Variants in CTNNA3 observed in about 807,000 individuals in gnomAD.
CTNNA3 encodes catenin alpha 3, also known as catenin alpha-3.
CTNNA3 carries 76 observed loss-of-function variants against 95.7 expected under a neutral mutation model. The ratio of observed to expected loss-of-function variants is 0.79; its 90% CI spans 0.66 to 0.96. The LOEUF (loss-of-function observed/expected upper bound fraction) is 0.96. CTNNA3 is among the 40% of genes least tolerant of loss of function. CTNNA3 has a pLI of 0.00. For synonymous variants in CTNNA3, 431 were observed against 374.4 expected, an observed-to-expected ratio of 1.15 and a Z score of -1.74; for missense variants, 1,191 against 1,089.8, an observed-to-expected ratio of 1.09 and a Z score of -1.31.
chr10:66,651,257 G>T (rs1219507256), intron 9 of CTNNA3, among the ~76,000 whole-genome samples: 1 of 152,158 alleles, frequency 6.6e-6, no homozygotes, highest in Non-Finnish European at 1.5e-5. Context: ...GTCCCCACCA[G>T]ATTAGCTAGA....
chr10:67,760,080 C>T (rs1841454569), intron 1 of CTNNA3, among the ~76,000 whole-genome samples: 1 of 152,194 alleles, frequency 6.6e-6, no homozygotes, highest in Admixed American at 6.5e-5. Context: ...AAGTCACATG[C>T]CCATTCCTTG....
chr10:67,510,213 T>A (rs1454663798), intron 5 of CTNNA3, among the ~76,000 whole-genome samples: 1 of 152,240 alleles, frequency 6.6e-6, no homozygotes, highest in Non-Finnish European at 1.5e-5. Flanking sequence ...TTGTCTATCT[T>A]GGCTTTTGTT....
chr10:67,725,826 T>A (rs1841207340), intron 1 of CTNNA3, among the ~76,000 whole-genome samples: 1 of 150,112 alleles, frequency 6.7e-6, no homozygotes, highest in Non-Finnish European at 1.5e-5. Flanking sequence ...AAATCTTGAT[T>A]TTTTTAAGTC....
intron 7 of CTNNA3, among the ~76,000 whole-genome samples, chr10:66,900,472 G>A (rs1845693978): frequency 6.6e-6 from 1 of 152,182 alleles, no homozygotes; most frequent in African/African-American, 2.4e-5. Context: ...TTCTCCCCCA[G>A]AGGATCACAG....
intron 3 of CTNNA3, among the ~76,000 whole-genome samples, chr10:67,589,907 A>G (rs1382859791): frequency 1.3e-5 from 2 of 152,078 alleles, no homozygotes; most frequent in African/African-American, 4.8e-5. Context: ...TTCCCCAACA[A>G]CAAAACTAAA....
chr10:66,638,424 C>T (rs1318541113), intron 9 of CTNNA3, among the ~76,000 whole-genome samples: 2 of 152,088 alleles, frequency 1.3e-5, no homozygotes, highest in East Asian at 3.9e-4. Context: ...AATATCCTCC[C>T]GCCGCCGCCC....
intron 11 of CTNNA3, among the ~76,000 whole-genome samples, chr10:66,420,842 A>AAATAAAT (rs1564945941): frequency 1.6e-3 from 173 of 108,020 alleles, no homozygotes; most frequent in African/African-American, 6.8e-3. Context: ...AATAAATAAA[A>AAATAAAT]AACAATATGG....
chr10:66,865,405 G>A (rs568419327), intron 7 of CTNNA3, among the ~76,000 whole-genome samples: 2 of 152,094 alleles, frequency 1.3e-5, no homozygotes, highest in East Asian at 3.9e-4. Context: ...TAAATAATCA[G>A]AGAATCAGTC....
At chr10:66,178,440 T>TATATATATACACATATATATATATATAC (rs1231414006) in intron 13 of CTNNA3, among the ~76,000 whole-genome samples, 3 of 105,766 alleles carry the variant, frequency 2.8e-5, no homozygotes, top group Non-Finnish European at 5.8e-5. Flanking sequence ...TATATATATA[T>TATATATATACACATATATATATATATAC]ATACACACAC....
intron 7 of CTNNA3, among the ~76,000 whole-genome samples, chr10:66,822,507 C>T (rs1300848470): frequency 6.6e-6 from 1 of 152,120 alleles, no homozygotes; most frequent in Non-Finnish European, 1.5e-5. Context: ...TGAAGCACAC[C>T]CATTCTCCTA....
intron 13 of CTNNA3, among the ~76,000 whole-genome samples, chr10:66,166,637 T>A (rs1352150161): frequency 1.3e-5 from 2 of 152,142 alleles, no homozygotes; most frequent in African/African-American, 4.8e-5. Flanking sequence ...CTCTATGTGG[T>A]ACATAACATA....
intron 11 of CTNNA3, among the ~76,000 whole-genome samples, chr10:66,460,813 T>C (rs1045230063): frequency 6.6e-6 from 1 of 152,164 alleles, no homozygotes; most frequent in Non-Finnish European, 1.5e-5. Flanking sequence ...CTTTATTACT[T>C]ATAGTTTAAA....
chr10:66,343,378 G>A (rs1020459904), intron 12 of CTNNA3, among the ~76,000 whole-genome samples: 1 of 152,014 alleles, frequency 6.6e-6, no homozygotes, highest in African/African-American at 2.4e-5. Context: ...TATACACAAT[G>A]GAATACTATT....
intron 3 of CTNNA3, among the ~76,000 whole-genome samples, chr10:67,562,848 GACAA>G (rs1303853583): frequency 1.3e-4 from 20 of 152,012 alleles, no homozygotes; most frequent in Admixed American, 3.9e-4. Context: ...ACCAATAACA[GACAA>G]ACAGAGAGCC....
chr10:67,268,550 G>A (rs534825546), intron 5 of CTNNA3, among the ~76,000 whole-genome samples: 2 of 151,866 alleles, frequency 1.3e-5, no homozygotes, highest in Admixed American at 6.6e-5. Context: ...GTCCCTCTAC[G>A]GCCTTTTTTG....
chr10:66,659,552 T>A (rs541412811), intron 9 of CTNNA3, among the ~76,000 whole-genome samples: 1 of 152,296 alleles, frequency 6.6e-6, no homozygotes, highest in East Asian at 1.9e-4. Context: ...ATGGTCTGAA[T>A]GCTTGTTTTT....
At chr10:67,107,691 A>G (rs1181494591) in intron 7 of CTNNA3, among the ~76,000 whole-genome samples, 1 of 150,332 alleles carries the variant, frequency 6.7e-6, no homozygotes, top group East Asian at 2.1e-4. Flanking sequence ...CTACAGTAGA[A>G]TATTATTAAA....
intron 12 of CTNNA3, among the ~76,000 whole-genome samples, chr10:66,318,888 C>A (rs2092141335): frequency 6.6e-6 from 1 of 151,824 alleles, no homozygotes; most frequent in South Asian, 2.1e-4. Flanking sequence ...TTCAACTTCA[C>A]ATCACTGCAC....
chr10:65,927,734 C>A (rs1429847813), intron 17 of CTNNA3, among the ~76,000 whole-genome samples: 1 of 152,066 alleles, frequency 6.6e-6, no homozygotes, highest in African/African-American at 2.4e-5. Context: ...ATTTCATTTG[C>A]TATAATAAAT....
Sources: allele counts gnomAD v4.1 joint callset (sites outside exome capture counted in the v4.1 genomes callset), GRCh38; gene constraint gnomAD v4.1.1; transcripts MANE v1.5; gene names NCBI Gene and HGNC (gene_info 2026-07-23, HGNC 2026-07-21).